Variants in NR5A2 observed in about 807,000 individuals in gnomAD.
NR5A2 encodes CYP7A promoter-binding factor.
Under a neutral mutation model 62.7 loss-of-function variants are expected in NR5A2, and 26 were observed. That is an observed-to-expected ratio of 0.41 (90% CI 0.30 to 0.58). The LOEUF is 0.58. NR5A2 is among the 20% of genes least tolerant of loss of function. The pLI, the probability that NR5A2 is intolerant of heterozygous loss-of-function variation, is 0.22. For synonymous variants in NR5A2, 246 were observed against 241.7 expected, an observed-to-expected ratio of 1.02 and a Z score of -0.16; for missense variants, 541 against 669.1, an observed-to-expected ratio of 0.81 and a Z score of 2.11.
At chr1:200,173,276 T>A (rs1345974634) in intron 7 of NR5A2, among the ~76,000 whole-genome samples, 1 of 152,202 alleles carries the variant, frequency 6.6e-6, no homozygotes, top group East Asian at 1.9e-4. Flanking sequence ...AGAAACTACA[T>A]GCAGGTTAAA....
intron 1 of NR5A2, among the ~76,000 whole-genome samples, chr1:200,033,206 G>A (rs1661608004): frequency 6.6e-6 from 1 of 152,116 alleles, no homozygotes; most frequent in Non-Finnish European, 1.5e-5. Context: ...GTGGTGTATG[G>A]TAACAACTCG....
intron 5 of NR5A2, among the ~76,000 whole-genome samples, chr1:200,104,113 G>T (rs767274234): frequency 2.6e-5 from 4 of 152,194 alleles, no homozygotes; most frequent in Non-Finnish European, 5.9e-5. Context: ...ATCCAAGGAA[G>T]TGTTGATAGA....
intron 5 of NR5A2, among the ~76,000 whole-genome samples, chr1:200,109,758 G>C (rs1665851498): frequency 6.6e-6 from 1 of 152,148 alleles, no homozygotes; most frequent in Admixed American, 6.5e-5. Context: ...TAGATTGTGA[G>C]AGGGAGAATG....
intron 5 of NR5A2, among the ~76,000 whole-genome samples, chr1:200,055,654 A>G (rs966723255): frequency 6.6e-6 from 1 of 152,360 alleles, no homozygotes; most frequent in East Asian, 1.9e-4. Flanking sequence ...GATGTCACAG[A>G]GCAATAGCCA....
chr1:200,048,150 C>T lies in NR5A2; in HGVS notation c.464-22C>T, dbSNP rs749676032. On this transcript the variant is annotated intron_variant, in intron 4 of 7. Transcript: ENST00000367362. This position sits in a 1 kb window ranked among gnomAD's most constrained non-coding sequence, Gnocchi z 4.8. Reference sequence around the variant, plus strand: ...ACCTTATTTATACCTTTCCTTCCTTCCCCCCACCCCACCCCCAACAGCTGT... The same window carrying T: ...ACCTTATTTATACCTTTCCTTCCTTTCCCCCACCCCACCCCCAACAGCTGT... The T allele has an allele frequency of 6.4e-7, 1 of 1,562,964 alleles. No individual in the cohort carries two copies. The highest frequency in any genetic ancestry group is 2.0e-5 in the Admixed American group (1 of 50,796).
intron 5 of NR5A2, among the ~76,000 whole-genome samples, chr1:200,110,624 G>A (rs866715388): frequency 2.5e-4 from 38 of 152,268 alleles, no homozygotes; most frequent in African/African-American, 7.7e-4. Context: ...ATCATGCTTG[G>A]TGAGTGTTCT....
chr1:200,129,360 G>T lies in NR5A2; in HGVS notation c.1378+8405G>T, dbSNP rs2885819. Among the ~76,000 whole-genome samples the T allele has an allele frequency of 0.02, 3,084 of 152,280 alleles. 210 individuals are homozygous for T. In the East Asian group the frequency reaches 0.25, roughly 12 times the overall value. On this transcript the variant is annotated intron_variant, in intron 7 of 7. Transcript: ENST00000367362. ...CACATCTCACTTAAGAGACAACAGA[G>T]ATTTGTAGGAATAGCAAACATTCAG...
intron 7 of NR5A2, among the ~76,000 whole-genome samples, chr1:200,142,487 C>T (rs1356033250): frequency 1.3e-5 from 2 of 151,658 alleles, no homozygotes; most frequent in Admixed American, 1.3e-4. Flanking sequence ...TGAGCCACTG[C>T]GCCCAGCCTA....
chr1:200,120,659 A>G, intron 6 of NR5A2, 149 bp from the exon 7 acceptor site: 1 of 802,038 alleles, frequency 1.2e-6, no homozygotes, highest in Non-Finnish European at 1.8e-6. Context: ...GGAGTTCAAG[A>G]CCAGTCTGGT....
intron 7 of NR5A2, among the ~76,000 whole-genome samples, chr1:200,171,209 G>A (rs765856341): frequency 5.9e-5 from 9 of 152,220 alleles, no homozygotes; most frequent in Non-Finnish European, 7.4e-5. Context: ...ATAGACATTC[G>A]GCAAGTAAGA....
chr1:200,060,614 T>C (rs983620950), intron 5 of NR5A2, among the ~76,000 whole-genome samples: 7 of 152,306 alleles, frequency 4.6e-5, no homozygotes, highest in East Asian at 1.9e-4. Context: ...TTTCTGTCCA[T>C]GACAAGGCTG....
Position 200,039,899 on chromosome 1 carries a change from C to T in NR5A2, c.202+104C>T. 1.5e-6 allele frequency: 2 copies of T among 1,334,874 alleles called. No individual in the cohort carries two copies. The highest frequency in any genetic ancestry group is 2.0e-6 in the Non-Finnish European group (2 of 1,017,738). 82.7% of individuals were successfully genotyped at this position (1,334,874 alleles called of 1,614,324 possible). A position where few individuals can be genotyped will look rare whatever the true frequency, so the allele number is the denominator to read the frequency against. On this transcript the variant is annotated intron_variant, in intron 2 of 7. Coordinates refer to ENST00000367362, the MANE Select transcript of NR5A2 (RefSeq NM_205860.3). The surrounding 1 kb of genome is among the most constrained non-coding windows in gnomAD (Gnocchi z 5.1). ...CCCCGCGCGGGCGCGGGAGTAGCCCCGCTGGGCGCTCGCAGCCGCGGGAGT... is the reference window on the plus strand; with the variant it reads ...CCCCGCGCGGGCGCGGGAGTAGCCCTGCTGGGCGCTCGCAGCCGCGGGAGT...
Position 200,048,143 on chromosome 1 carries a change from C to T in NR5A2, c.464-29C>T. On this transcript the variant is annotated intron_variant, in intron 4 of 7. Coordinates refer to ENST00000367362, the MANE Select transcript of NR5A2 (RefSeq NM_205860.3). This position sits in a 1 kb window ranked among gnomAD's most constrained non-coding sequence, Gnocchi z 4.8. ...AATTTGCACCTTATTTATACCTTTCCTTCCTTCCCCCCACCCCACCCCCAA... is the reference window on the plus strand; with the variant it reads ...AATTTGCACCTTATTTATACCTTTCTTTCCTTCCCCCCACCCCACCCCCAA... 6.4e-7 allele frequency: 1 copy of T among 1,558,952 alleles called. No homozygotes were observed. Among genetic ancestry groups the T allele is most frequent in the Non-Finnish European group, 8.7e-7 (1 of 1,153,626 alleles).
chr1:200,062,576 CA>C (rs1316544137), intron 5 of NR5A2, among the ~76,000 whole-genome samples: 2 of 152,268 alleles, frequency 1.3e-5, no homozygotes, highest in East Asian at 1.9e-4. Flanking sequence ...CAGAATTCTT[CA>C]AAAGTTTTCC....
chr1:200,096,646 G>C (rs1447524558), intron 5 of NR5A2, among the ~76,000 whole-genome samples: 1 of 152,168 alleles, frequency 6.6e-6, no homozygotes, highest in Non-Finnish European at 1.5e-5. Context: ...CAGTCACTCT[G>C]TAGAAGCAGC....
chr1:200,089,893 A>G (rs934601034), intron 5 of NR5A2, among the ~76,000 whole-genome samples: 1 of 152,242 alleles, frequency 6.6e-6, no homozygotes, highest in Non-Finnish European at 1.5e-5. Flanking sequence ...TTCCTCAACC[A>G]GGTATCTCAT....
chr1:200,083,287 A>G (rs2102238106), intron 5 of NR5A2, among the ~76,000 whole-genome samples: 1 of 152,332 alleles, frequency 6.6e-6, no homozygotes, highest in South Asian at 2.1e-4. Context: ...CTGAAATTCA[A>G]ATCAATTCAT....
At chr1:200,063,497 T>C (rs889593752) in intron 5 of NR5A2, among the ~76,000 whole-genome samples, 1 of 152,224 alleles carries the variant, frequency 6.6e-6, no homozygotes, top group Non-Finnish European at 1.5e-5. Context: ...TTGGTATTCC[T>C]GCTGATGAGT....
chr1:200,053,692 T>C (rs1662775256), intron 5 of NR5A2, among the ~76,000 whole-genome samples: 1 of 151,988 alleles, frequency 6.6e-6, no homozygotes, highest in Non-Finnish European at 1.5e-5. Flanking sequence ...CAGAAGCCCA[T>C]CACTACCATC....
Sources: gnomAD v4.1 joint callset for allele counts (sites outside exome capture counted in the v4.1 genomes callset) on GRCh38, gnomAD v4.1.1 for gene constraint, Gnocchi (gnomAD v3.1) non-coding constraint, MANE v1.5 for transcripts, NCBI Gene and HGNC (gene_info 2026-07-23, HGNC 2026-07-21) for gene names.